Variants in TPRG1 observed in about 807,000 individuals in gnomAD.
TPRG1 encodes tumor protein p63-regulated gene 1 protein.
A neutral mutation model predicts 29.3 loss-of-function variants in TPRG1; 29 were observed. The observed-to-expected ratio is 0.99, with a 90% CI of 0.74 to 1.35. The LOEUF (loss-of-function observed/expected upper bound fraction) is 1.35, where lower values mean the gene tolerates loss of function less well. Among genes scored for constraint, TPRG1 ranks in the 40% most tolerant of loss-of-function variants. The probability of loss-of-function intolerance (pLI) is 0.00; values close to 1 mark genes in which losing one functional copy is unlikely to be tolerated. For missense variants in TPRG1, 327 were observed against 335.0 expected (o/e 0.98, Z 0.19); for synonymous variants, 130 against 116.8 (o/e 1.11, Z -0.73).
At chr3:189,037,055 TA>T (rs1333943547) in intron 4 of TPRG1, among the ~76,000 whole-genome samples, 11 of 148,702 alleles carry the variant, frequency 7.4e-5, no homozygotes, top group South Asian at 2.1e-4. Context: ...AACAAATATT[TA>T]AAAAAAAAAT....
chr3:189,088,654 T>C (rs150323620), intron 4 of TPRG1, among the ~76,000 whole-genome samples: 122 of 152,296 alleles, frequency 8.0e-4, no homozygotes, highest in Non-Finnish European at 1.3e-3. Context: ...CATCTATATC[T>C]ATATATTTTC....
At position 189,153,347 on chromosome 3, in the gene TPRG1, T is replaced by TA. The variant is rs778287066; in HGVS notation, c.-10+2481dup. 7.6e-4 allele frequency among the ~76,000 whole-genome samples: 115 copies of TA among 152,306 alleles called. 3 individuals are homozygous for TA. The highest frequency in any genetic ancestry group is 2.5e-3 in the East Asian group (13 of 5,188). Reference sequence around the variant, plus strand: ...ATGTGGTTTATTGAGTTTACACTCTTAAAAAACATCACCAAAGAATGAAGA... The same window carrying TA: ...ATGTGGTTTATTGAGTTTACACTCTTAAAAAAACATCACCAAAGAATGAAGA... On this transcript the variant is annotated intron_variant, in intron 5 of 6. Transcript: ENST00000412373.
upstream of TPRG1, among the ~76,000 whole-genome samples, chr3:189,168,410 C>G (rs755601032): frequency 2.0e-5 from 3 of 152,112 alleles, no homozygotes; most frequent in Non-Finnish European, 2.9e-5. Context: ...AGCTGTGAGG[C>G]CTTGTAGGGC....
intron 1 of TPRG1, among the ~76,000 whole-genome samples, chr3:189,195,512 A>C (rs889613733): frequency 1.3e-5 from 2 of 152,028 alleles, no homozygotes; most frequent in African/African-American, 4.8e-5. Context: ...AGCCATGACT[A>C]CTCACCGCTA....
chr3:189,196,784 A>G (rs973860889), intron 1 of TPRG1, among the ~76,000 whole-genome samples: 14 of 152,242 alleles, frequency 9.2e-5, no homozygotes, highest in Admixed American at 9.2e-4. Flanking sequence ...TTCTGAGTGC[A>G]TGTCATAGTT....
chr3:189,159,434 A>T (rs1320725419), intron 5 of TPRG1, among the ~76,000 whole-genome samples: 1 of 152,148 alleles, frequency 6.6e-6, no homozygotes, highest in Non-Finnish European at 1.5e-5. Context: ...ATAGAGACGG[A>T]GAATTGAGGC....
chr3:189,115,958 T>C (rs1367350087), intron 1 of TPRG1, among the ~76,000 whole-genome samples: 1 of 152,114 alleles, frequency 6.6e-6, no homozygotes, highest in Non-Finnish European at 1.5e-5. Context: ...CCCAGTAGAA[T>C]GGCTACTATC....
intron 4 of TPRG1, among the ~76,000 whole-genome samples, chr3:189,050,668 A>T (rs1715260565): frequency 6.6e-6 from 1 of 152,212 alleles, no homozygotes; most frequent in African/African-American, 2.4e-5. Flanking sequence ...ATGAACATAG[A>T]TGCTAAAACC....
chr3:189,291,703 A>G (rs919367131), intron 4 of TPRG1, among the ~76,000 whole-genome samples: 3 of 152,218 alleles, frequency 2.0e-5, no homozygotes, highest in Admixed American at 6.5e-5. Flanking sequence ...GATCTTGCCA[A>G]CTATGTTTTA....
upstream of TPRG1, among the ~76,000 whole-genome samples, chr3:189,095,124 C>G (rs972131300): frequency 1.3e-5 from 2 of 152,166 alleles, no homozygotes; most frequent in African/African-American, 4.8e-5. Flanking sequence ...GAAGGTGAAA[C>G]AAAGACTTGA....
At chr3:189,203,956 G>T (rs1012851647) in intron 1 of TPRG1, among the ~76,000 whole-genome samples, 3 of 145,722 alleles carry the variant, frequency 2.1e-5, no homozygotes, top group Non-Finnish European at 3.0e-5. Context: ...CAGAAGAATT[G>T]CATGAACCCA....
intron 5 of TPRG1, among the ~76,000 whole-genome samples, chr3:189,153,911 A>T (rs1231080949): frequency 6.6e-6 from 1 of 152,190 alleles, no homozygotes; most frequent in Non-Finnish European, 1.5e-5. Context: ...CAGTACAGTG[A>T]GGGTTTTTAA....
chr3:189,214,248 C>A (rs1041360907), intron 2 of TPRG1, among the ~76,000 whole-genome samples: 1 of 152,168 alleles, frequency 6.6e-6, no homozygotes, highest in African/African-American at 2.4e-5. Flanking sequence ...CTTTACTTAA[C>A]AATTTTTTCT....
intron 4 of TPRG1, among the ~76,000 whole-genome samples, chr3:189,061,797 GT>G (rs1029387334): frequency 6.6e-5 from 10 of 151,916 alleles, no homozygotes; most frequent in African/African-American, 2.2e-4. Flanking sequence ...ACAGATGATA[GT>G]AAGGTTGTGG....
intron 1 of TPRG1, chr3:189,191,084 A>G (rs1731622054): frequency 8.3e-6 from 4 of 481,646 alleles, no homozygotes; most frequent in Non-Finnish European, 1.1e-5. Context: ...GTAAATATAC[A>G]TGTATTCTTA....
intron 1 of TPRG1, among the ~76,000 whole-genome samples, chr3:189,104,206 TAAAG>T (rs914435847): frequency 1.4e-4 from 21 of 152,154 alleles, no homozygotes; most frequent in African/African-American, 4.3e-4. Context: ...ACTCAATAAA[TAAAG>T]AAAGAAATTA....
chr3:189,136,586 G>T (rs902896946), intron 3 of TPRG1, among the ~76,000 whole-genome samples: 1 of 152,134 alleles, frequency 6.6e-6, no homozygotes, highest in African/African-American at 2.4e-5. Flanking sequence ...CTGCTAACTG[G>T]ACAACAAAGA....
At chr3:189,282,596 CT>C (rs1175486629) in intron 4 of TPRG1, among the ~76,000 whole-genome samples, 1 of 152,124 alleles carries the variant, frequency 6.6e-6, no homozygotes, top group Non-Finnish European at 1.5e-5. Context: ...ATTCCTCTCT[CT>C]GCCTTTCTTT....
intron 4 of TPRG1, among the ~76,000 whole-genome samples, chr3:189,291,068 A>AT (rs1051098214): frequency 3.3e-5 from 5 of 151,562 alleles, no homozygotes; most frequent in South Asian, 2.1e-4. Flanking sequence ...CACCTGGCTA[A>AT]TTTTTTTTAT....
Sources: allele counts gnomAD v4.1 joint callset (sites outside exome capture counted in the v4.1 genomes callset), GRCh38; gene constraint gnomAD v4.1.1; transcripts MANE v1.5; gene names NCBI Gene and HGNC (gene_info 2026-07-23, HGNC 2026-07-21).